The following QTMAN variants were observed in gnomAD, a reference collection of about 807,000 sequenced individuals.
The protein encoded by QTMAN is tRNA-queuosine alpha-mannosyltransferase.
the QTMAN span, among the ~76,000 whole-genome samples, chr2:143,953,005 A>G: frequency 6.6e-6 from 1 of 151,840 alleles, no homozygotes; most frequent in East Asian, 1.9e-4. Flanking sequence ...TTGCTCTTTT[A>G]AAAGATTTTA....
At chr2:144,293,695 C>T in the QTMAN span, among the ~76,000 whole-genome samples, 1 of 152,032 alleles carries the variant, frequency 6.6e-6, no homozygotes, top group African/African-American at 2.4e-5. Flanking sequence ...GACCTCTTAG[C>T]GTAATAACTA....
chr2:144,328,340 T>G, the QTMAN span, among the ~76,000 whole-genome samples: 100 of 152,346 alleles, frequency 6.6e-4, 1 homozygote, highest in Non-Finnish European at 1.2e-3. Flanking sequence ...GCACTAGATA[T>G]TCTTACTAAT....
At chr2:144,265,620 C>T in the QTMAN span, among the ~76,000 whole-genome samples, 1 of 151,740 alleles carries the variant, frequency 6.6e-6, no homozygotes, top group African/African-American at 2.4e-5. Context: ...CCCTTGAACC[C>T]GGGAGGCGGA....
At chr2:144,103,074 T>C in the QTMAN span, among the ~76,000 whole-genome samples, 5 of 152,160 alleles carry the variant, frequency 3.3e-5, no homozygotes, top group East Asian at 1.9e-4. Context: ...TAGGGGAATA[T>C]ATTGGATGGT....
the QTMAN span, among the ~76,000 whole-genome samples, chr2:144,088,897 G>A: frequency 6.6e-6 from 1 of 151,904 alleles, no homozygotes; most frequent in South Asian, 2.1e-4. Flanking sequence ...AAACTCTCCT[G>A]GACACTGGCC....
chr2:144,286,558 G>A, the QTMAN span, among the ~76,000 whole-genome samples: 3 of 152,104 alleles, frequency 2.0e-5, no homozygotes, highest in South Asian at 2.1e-4. Context: ...AAAGATTAGC[G>A]TTAACATCTT....
At chr2:144,205,784 T>C in the QTMAN span, among the ~76,000 whole-genome samples, 2 of 152,210 alleles carry the variant, frequency 1.3e-5, no homozygotes, top group Non-Finnish European at 2.9e-5. Context: ...TCTAAGAAAG[T>C]AGAAATGCTT....
the QTMAN span, chr2:144,319,864 G>A: frequency 6.6e-6 from 1 of 152,104 alleles, no homozygotes; most frequent in Non-Finnish European, 1.5e-5. Flanking sequence ...TATCATCAGT[G>A]TCACCTATAA....
chr2:144,296,992 T>G, the QTMAN span, among the ~76,000 whole-genome samples: 2 of 152,208 alleles, frequency 1.3e-5, no homozygotes, highest in African/African-American at 2.4e-5. Context: ...TAGTTTGCCC[T>G]ACATATGGAA....
At chr2:144,045,864 G>A in the QTMAN span, among the ~76,000 whole-genome samples, 1 of 152,172 alleles carries the variant, frequency 6.6e-6, no homozygotes, top group Non-Finnish European at 1.5e-5. Context: ...GGCAAAGGGG[G>A]TTTTTGTCAT....
the QTMAN span, among the ~76,000 whole-genome samples, chr2:144,074,389 C>T: frequency 2.0e-5 from 3 of 152,160 alleles, no homozygotes; most frequent in Admixed American, 6.5e-5. Context: ...ATCTACTTTC[C>T]TCTCTCTTCT....
chr2:144,130,183 T>C, the QTMAN span, among the ~76,000 whole-genome samples: 1 of 151,544 alleles, frequency 6.6e-6, no homozygotes, highest in Non-Finnish European at 1.5e-5. Context: ...TTCTAATCAC[T>C]CACAGAAGCA....
the QTMAN span, among the ~76,000 whole-genome samples, chr2:144,212,254 G>C: frequency 5.9e-5 from 9 of 152,278 alleles, no homozygotes; most frequent in Non-Finnish European, 8.8e-5. Context: ...CCTGAGGTCA[G>C]GAGTTCGAAA....
chr2:144,204,991 TG>T, the QTMAN span, among the ~76,000 whole-genome samples: 1 of 78,816 alleles, frequency 1.3e-5, no homozygotes, highest in Non-Finnish European at 2.3e-5. Context: ...CGGGGCCTGT[TG>T]TGGGGTGGGG....
chr2:144,093,040 T>C, the QTMAN span, among the ~76,000 whole-genome samples: 1 of 152,092 alleles, frequency 6.6e-6, no homozygotes, highest in Non-Finnish European at 1.5e-5. Flanking sequence ...AAGTTATTTA[T>C]ATGGTGGAAA....
the QTMAN span, among the ~76,000 whole-genome samples, chr2:144,224,468 T>C: frequency 5.3e-5 from 8 of 152,074 alleles, no homozygotes; most frequent in African/African-American, 1.4e-4. Flanking sequence ...TTCTTTCTAA[T>C]TGGAGTAAAA....
the QTMAN span, among the ~76,000 whole-genome samples, chr2:144,298,022 ATT>A: frequency 1.4e-5 from 2 of 144,154 alleles, no homozygotes; most frequent in African/African-American, 2.5e-5. Context: ...GAATATTTTA[ATT>A]TTTTTTTTTT....
At chr2:144,003,752 T>C in the QTMAN span, among the ~76,000 whole-genome samples, 1 of 152,048 alleles carries the variant, frequency 6.6e-6, no homozygotes, top group Non-Finnish European at 1.5e-5. Flanking sequence ...ATGTGTCTTC[T>C]AGAAAATGTC....
chr2:143,985,525 T>G, the QTMAN span, among the ~76,000 whole-genome samples: 3 of 152,368 alleles, frequency 2.0e-5, no homozygotes, highest in Admixed American at 6.5e-5. Flanking sequence ...CACTGGAAGT[T>G]GAATTTCCCA....
Sources: gnomAD v4.1 joint callset for allele counts (sites outside exome capture counted in the v4.1 genomes callset) on GRCh38, gnomAD v4.1.1 for gene constraint, MANE v1.5 for transcripts, NCBI Gene and HGNC (gene_info 2026-07-23, HGNC 2026-07-21) for gene names.